DNM3: variants seen among roughly 807,000 people sequenced by gnomAD.
DNM3 encodes the protein dynamin-3.
Under a neutral mutation model 101.6 loss-of-function variants are expected in DNM3, and 47 were observed. That is an observed-to-expected ratio of 0.46 (90% CI 0.37 to 0.59). The LOEUF is 0.59. Ranked by LOEUF, DNM3 falls within the 20% of genes least tolerant of loss-of-function variation. The pLI, the probability that DNM3 is intolerant of heterozygous loss-of-function variation, is 0.00. For missense variants in DNM3, 849 were observed against 1,085.7 expected, an observed-to-expected ratio of 0.78 and a Z score of 3.06; for synonymous variants, 385 against 387.9, an observed-to-expected ratio of 0.99 and a Z score of 0.09.
intron 1 of DNM3, among the ~76,000 whole-genome samples, chr1:171,846,265 C>T (rs957382407): frequency 2.0e-5 from 3 of 152,038 alleles, no homozygotes; most frequent in East Asian, 1.9e-4. Context: ...TTAATTACTA[C>T]CATCAAATGA....
intron 14 of DNM3, among the ~76,000 whole-genome samples, chr1:172,250,612 G>A (rs2062130424): frequency 6.6e-6 from 1 of 152,136 alleles, no homozygotes; most frequent in Non-Finnish European, 1.5e-5. Context: ...CTGGAATAAT[G>A]TTGTGGGAAT....
At chr1:171,948,024 T>C (rs1361008220) in intron 2 of DNM3, among the ~76,000 whole-genome samples, 1 of 152,232 alleles carries the variant, frequency 6.6e-6, no homozygotes, top group Non-Finnish European at 1.5e-5. Context: ...TTACACCACC[T>C]ATGTGGCTAC....
At chr1:171,945,538 C>A (rs1386714247) in intron 2 of DNM3, among the ~76,000 whole-genome samples, 1 of 152,066 alleles carries the variant, frequency 6.6e-6, no homozygotes, top group Non-Finnish European at 1.5e-5. Flanking sequence ...AATTTTAAAT[C>A]CATTACATAT....
chr1:172,180,185 TA>T (rs2059295087), intron 14 of DNM3, among the ~76,000 whole-genome samples: 1 of 152,074 alleles, frequency 6.6e-6, no homozygotes, highest in South Asian at 2.1e-4. Flanking sequence ...ATCAGTAAAT[TA>T]ATTTATGTAA....
chr1:172,347,454 G>C (rs892966220), intron 17 of DNM3, among the ~76,000 whole-genome samples: 1 of 152,022 alleles, frequency 6.6e-6, no homozygotes, highest in South Asian at 2.1e-4. Flanking sequence ...AAATAAAGAG[G>C]CTTTAAGTAT....
Position 172,408,636 on chromosome 1 carries a change from C to T in DNM3, c.*795C>T. On this transcript the variant is annotated 3_prime_UTR_variant, in exon 21 of 21. Transcript: ENST00000627582. ...TATAATTTCTTTCTTTACTTATATT[C>T]ACCTCATGGTAGGTTATATTGAAGG... 1.0e-6 allele frequency: 1 copy of T among 984,846 alleles called. No homozygotes were observed. The highest frequency in any genetic ancestry group is 1.2e-6 in the Non-Finnish European group (1 of 829,448). The allele number at this position is 984,846 out of a possible 1,614,324, so 61.0% of individuals were successfully genotyped here.
intron 17 of DNM3, among the ~76,000 whole-genome samples, chr1:172,348,621 A>G (rs2067056002): frequency 6.6e-6 from 1 of 152,220 alleles, no homozygotes; most frequent in African/African-American, 2.4e-5. Context: ...CAAAAAAGTA[A>G]TGGAAAGAAG....
At chr1:171,972,332 G>T (rs2044054116) in intron 2 of DNM3, among the ~76,000 whole-genome samples, 2 of 152,182 alleles carry the variant, frequency 1.3e-5, no homozygotes, top group South Asian at 4.1e-4. Context: ...CTTTAAGGCT[G>T]TTTCTACATG....
At chr1:172,405,428 G>A (rs968806701) in intron 20 of DNM3, among the ~76,000 whole-genome samples, 2 of 151,954 alleles carry the variant, frequency 1.3e-5, no homozygotes, top group African/African-American at 4.8e-5. Flanking sequence ...AAAACTATGG[G>A]ATGGTCCAGA....
rs761542182 is a variant in DNM3 at position 171,987,798 on chromosome 1, C to T, written c.378C>T (p.Ser126=). 27 of 1,550,560 alleles carry T rather than the reference C, an allele frequency of 1.7e-5. No homozygotes were observed. The highest frequency in any genetic ancestry group is 2.8e-5 in the African/African-American group (2 of 72,112). ...SSIPINLRVY[S]PHVLNLTLID... ...TACCCATTAATTTACGAGTCTATTCCCCACACGGTAAGTAAAATAATAAAA... is the reference window on the plus strand; with the variant it reads ...TACCCATTAATTTACGAGTCTATTCTCCACACGGTAAGTAAAATAATAAAA... The change falls in exon 3 of 21, where the codon TCC becomes TCT. Residue 126 remains serine, a synonymous_variant. Coordinates refer to ENST00000627582, the MANE Select transcript of DNM3 (RefSeq NM_015569.5).
At chr1:172,223,086 AT>A (rs2060969158) in intron 14 of DNM3, among the ~76,000 whole-genome samples, 1 of 152,034 alleles carries the variant, frequency 6.6e-6, no homozygotes, top group Admixed American at 6.6e-5. Flanking sequence ...TAGTGGGTAC[AT>A]TCAAAATCCT....
chr1:172,379,712 TCTA>T (rs1558065424), intron 18 of DNM3, among the ~76,000 whole-genome samples: 2 of 152,150 alleles, frequency 1.3e-5, no homozygotes, highest in South Asian at 2.1e-4. Flanking sequence ...ATTTTATTTT[TCTA>T]AGGTAAGGAT....
intron 15 of DNM3, among the ~76,000 whole-genome samples, chr1:172,257,727 A>G (rs113820972): frequency 0.044 from 6,685 of 152,162 alleles, 446 homozygotes; most frequent in African/African-American, 0.14. Context: ...CCAAGTCCTC[A>G]CTTCTAGCTA....
chr1:172,395,054 A>G lies in DNM3; in HGVS notation c.2522+6245A>G, dbSNP rs548415232. Among the ~76,000 whole-genome samples, 18 of 152,334 alleles carry G rather than the reference A, an allele frequency of 1.2e-4. No individual in the cohort carries two copies. In the South Asian group the frequency reaches 3.7e-3, roughly 32 times the overall value. Reference sequence around the variant, plus strand: ...GTTATTTCTTGTTTTAACGACGTCAACGATTCATGGCATGACATTGCTCAT... The same window carrying G: ...GTTATTTCTTGTTTTAACGACGTCAGCGATTCATGGCATGACATTGCTCAT... On this transcript the variant is annotated intron_variant, in intron 20 of 20. Coordinates refer to ENST00000627582, the MANE Select transcript of DNM3 (RefSeq NM_015569.5).
intron 13 of DNM3, among the ~76,000 whole-genome samples, chr1:172,102,423 C>T (rs896877717): frequency 6.6e-6 from 1 of 152,068 alleles, no homozygotes; most frequent in African/African-American, 2.4e-5. Flanking sequence ...TGTTCTGCGT[C>T]TTTGAGATCT....
chr1:171,959,267 TTA>T (rs952301373), intron 2 of DNM3, among the ~76,000 whole-genome samples: 5 of 152,098 alleles, frequency 3.3e-5, no homozygotes, highest in South Asian at 2.1e-4. Flanking sequence ...TTATTTTTCA[TTA>T]TATATATATG....
chr1:171,907,952 A>G (rs1015056450), intron 1 of DNM3, among the ~76,000 whole-genome samples: 7 of 152,240 alleles, frequency 4.6e-5, no homozygotes, highest in Non-Finnish European at 1.0e-4. Context: ...AATAGTAAAG[A>G]TACACATAAT....
chr1:172,197,774 T>A (rs1331673745), intron 14 of DNM3, among the ~76,000 whole-genome samples: 1 of 152,178 alleles, frequency 6.6e-6, no homozygotes, highest in Non-Finnish European at 1.5e-5. Context: ...CCTGCAAATT[T>A]GCTGAAGTTG....
chr1:172,335,623 ACAT>A (rs1405868829), intron 17 of DNM3, among the ~76,000 whole-genome samples: 4 of 152,332 alleles, frequency 2.6e-5, no homozygotes, highest in East Asian at 1.9e-4. Context: ...AAAAAGAGTG[ACAT>A]CATGTCCTTT....
Sources: allele counts gnomAD v4.1 joint callset (sites outside exome capture counted in the v4.1 genomes callset), GRCh38; gene constraint gnomAD v4.1.1; transcripts MANE v1.5; gene names NCBI Gene and HGNC (gene_info 2026-07-23, HGNC 2026-07-21).